Variants in TCF7L2 observed in about 807,000 individuals in gnomAD.
The protein encoded by TCF7L2 is transcription factor 7-like 2.
TCF7L2 carries 23 observed loss-of-function variants against 77.9 expected under a neutral mutation model. The ratio of observed to expected loss-of-function variants is 0.30; its 90% CI spans 0.21 to 0.42. The LOEUF (loss-of-function observed/expected upper bound fraction) is 0.42, where lower values mean the gene tolerates loss of function less well. TCF7L2 is among the 10% of genes least tolerant of loss of function. The pLI is 1.00. For synonymous variants in TCF7L2, 413 were observed against 340.2 expected (o/e 1.21, Z -2.36); for missense variants, 654 against 793.1 (o/e 0.82, Z 2.11).
chr10:113,158,670 A>G (rs1281066555), intron 12 of TCF7L2: 33 of 1,613,742 alleles, frequency 2.0e-5, no homozygotes, highest in Non-Finnish European at 2.7e-5. Context: ...TTTTCAGAAC[A>G]CAGCGAATGT....
At chr10:113,158,259 A>G (rs762341762) in intron 12 of TCF7L2, among the ~76,000 whole-genome samples, 190 bp downstream of exon 12, 18 of 152,362 alleles carry the variant, frequency 1.2e-4, no homozygotes, top group Non-Finnish European at 1.8e-4. Context: ...AGCTAGTAAC[A>G]TCCATTGTTG....
chr10:113,163,256 T>C (rs111899054), intron 13 of TCF7L2, among the ~76,000 whole-genome samples: 2 of 152,228 alleles, frequency 1.3e-5, no homozygotes, highest in African/African-American at 4.8e-5. Flanking sequence ...AATCAGGGCT[T>C]CTAGCTTGCC....
intron 4 of TCF7L2, among the ~76,000 whole-genome samples, chr10:113,025,218 ATTT>A (rs35779425): frequency 1.5e-3 from 144 of 98,930 alleles, no homozygotes; most frequent in Non-Finnish European, 2.3e-3. Flanking sequence ...CTGTGACTGG[ATTT>A]TTTTTTTTTT....
chr10:112,964,778 A>ATGGTGGTGG (rs1375511307), intron 4 of TCF7L2, among the ~76,000 whole-genome samples, 154 bp downstream of exon 4: 4 of 80,096 alleles, frequency 5.0e-5, no homozygotes, highest in African/African-American at 2.3e-4. Flanking sequence ...GGTGGTGGTG[A>ATGGTGGTGG]TGGTGGTGGT....
At chr10:112,980,099 G>A (rs1041928209) in intron 4 of TCF7L2, among the ~76,000 whole-genome samples, 1 of 152,194 alleles carries the variant, frequency 6.6e-6, no homozygotes, top group Non-Finnish European at 1.5e-5. Context: ...ACTCTGTCTG[G>A]TTTGGCTCAA....
chr10:113,152,285 T>C (rs2070919344), intron 10 of TCF7L2, 48 bp from the exon 11 acceptor site: 1 of 1,505,330 alleles, frequency 6.6e-7, no homozygotes, highest in Non-Finnish European at 9.3e-7. Flanking sequence ...CTTTCATGCT[T>C]TTCTCTTTGT....
chr10:113,077,090 C>T (rs1429708727), intron 5 of TCF7L2, among the ~76,000 whole-genome samples: 2 of 152,142 alleles, frequency 1.3e-5, no homozygotes, highest in Non-Finnish European at 2.9e-5. Context: ...GACCTGTGGT[C>T]CCCTTCTTCC....
In TCF7L2 at chr10:112,950,929, G is replaced by C. The variant is rs762586681; in HGVS notation, c.173G>C (p.Ser58Thr). The change falls in exon 1 of 14, where the codon AGC becomes ACC. Residue 58 changes from serine (S) to threonine (T), a missense_variant. Around this residue, in one of 6 missense-constraint regions of TCF7L2, gnomAD observed 132 missense variants for 123.7 expected, o/e 1.07. Transcript: ENST00000627217. ...AATGAATCAGAAACGAATCAAAACA[G>C]CTCCTCCGATTCCGAGGTAGGAAAA... 1 of 1,610,876 alleles carries C rather than the reference G, an allele frequency of 6.2e-7. No individual in the cohort carries two copies. Among genetic ancestry groups the C allele is most frequent in the Admixed American group, 1.7e-5 (1 of 59,298 alleles).
Position 112,950,507 on chromosome 10 carries a change from C to A in TCF7L2, c.-250C>A. 2.7e-6 allele frequency: 1 copy of A among 374,902 alleles called. No individual in the cohort carries two copies. The highest frequency in any genetic ancestry group is 4.7e-6 in the Non-Finnish European group (1 of 212,846). The allele number at this position is 374,902 out of a possible 1,614,324, so 23.2% of individuals were successfully genotyped here. On this transcript the variant is annotated 5_prime_UTR_variant, in exon 1 of 14. Coordinates refer to ENST00000627217, the MANE Select transcript of TCF7L2 (RefSeq NM_001146274.2). ...TTATTTTTTTGCACATTGATCGGAT[C>A]CTTGGGAACGAGAGAAAAAAGAAAC...
chr10:113,036,793 G>A (rs187719579), intron 4 of TCF7L2, among the ~76,000 whole-genome samples: 14 of 152,146 alleles, frequency 9.2e-5, no homozygotes, highest in South Asian at 6.2e-4. Flanking sequence ...TAATGTTTTT[G>A]TAGGCAATTC....
chr10:112,968,656 G>A (rs2037547154), intron 4 of TCF7L2, among the ~76,000 whole-genome samples: 1 of 152,032 alleles, frequency 6.6e-6, no homozygotes. Context: ...TCGGCTCACT[G>A]CAACCTCCGC....
At chr10:113,136,856 C>T (rs1300516310) in intron 5 of TCF7L2, among the ~76,000 whole-genome samples, 4 of 152,158 alleles carry the variant, frequency 2.6e-5, no homozygotes, top group Non-Finnish European at 4.4e-5. Context: ...CAGTTTTGAA[C>T]ACAATTCTTA....
Position 113,146,065 on chromosome 10 carries a change from C to A in TCF7L2, c.843C>A (p.Pro281=). Residue 281 remains proline, a synonymous_variant, in exon 8 of 14, where the codon CCC becomes CCA. Transcript: ENST00000627217. Reference sequence around the variant, plus strand: ...CAGGAGGATTCAGACACCCCTACCCCACAGCTCTGACCGTCAATGCTTCCA... The same window carrying A: ...CAGGAGGATTCAGACACCCCTACCCAACAGCTCTGACCGTCAATGCTTCCA... 6.2e-7 allele frequency: 1 copy of A among 1,613,786 alleles called. No homozygotes were observed. Among genetic ancestry groups the A allele is most frequent in the African/African-American group, 1.3e-5 (1 of 74,918 alleles).
intron 13 of TCF7L2, among the ~76,000 whole-genome samples, chr10:113,163,638 A>G (rs2073551179): frequency 6.6e-6 from 1 of 152,072 alleles, no homozygotes; most frequent in Admixed American, 6.6e-5. Flanking sequence ...TGGAAGCAGA[A>G]CCCATAGTCT....
intron 5 of TCF7L2, among the ~76,000 whole-genome samples, chr10:113,078,859 A>G (rs142926599): frequency 0.022 from 3,385 of 150,460 alleles, 128 homozygotes; most frequent in African/African-American, 0.076. Context: ...CTGAGATGGA[A>G]TTTTGCTCTG....
chr10:113,061,550 A>T (rs1324156157), intron 5 of TCF7L2, among the ~76,000 whole-genome samples: 4 of 152,194 alleles, frequency 2.6e-5, no homozygotes, highest in African/African-American at 9.6e-5. Context: ...TGTCGCAGGT[A>T]TTAGTGAGAA....
intron 4 of TCF7L2, among the ~76,000 whole-genome samples, chr10:112,979,451 A>G (rs898925511): frequency 1.3e-5 from 2 of 152,196 alleles, no homozygotes; most frequent in East Asian, 1.9e-4. Context: ...GCTTAGTTGA[A>G]GAACCAGTAA....
chr10:112,989,448 C>T (rs892653933), intron 4 of TCF7L2, among the ~76,000 whole-genome samples: 1 of 151,458 alleles, frequency 6.6e-6, no homozygotes, highest in Non-Finnish European at 1.5e-5. Context: ...CTTAATTCAT[C>T]TTCCCCTTTA....
At chr10:113,162,036 C>T (rs997676406) in intron 13 of TCF7L2, among the ~76,000 whole-genome samples, 8 of 152,194 alleles carry the variant, frequency 5.3e-5, no homozygotes, top group Non-Finnish European at 7.3e-5. Context: ...AGTTTTGTGA[C>T]AAAGTTGATG....
Sources: allele counts gnomAD v4.1 joint callset (sites outside exome capture counted in the v4.1 genomes callset), GRCh38; gene constraint gnomAD v4.1.1; regional missense constraint gnomAD v4.1.1; transcripts MANE v1.5; gene names NCBI Gene and HGNC (gene_info 2026-07-23, HGNC 2026-07-21).